BTRC: variants seen among roughly 807,000 people sequenced by gnomAD.
BTRC encodes F-box/WD repeat-containing protein 1A.
A neutral mutation model predicts 85.5 loss-of-function variants in BTRC; 42 were observed. The observed-to-expected ratio is 0.49, with a 90% CI of 0.38 to 0.64. BTRC has a LOEUF of 0.64. Ranked by LOEUF, BTRC falls within the 30% of genes least tolerant of loss-of-function variation. The pLI is 0.00. For synonymous variants in BTRC, 255 were observed against 263.3 expected (o/e 0.97, Z 0.30); for missense variants, 594 against 743.5 (o/e 0.80, Z 2.34).
chr10:101,516,313 T>C (rs978974496), intron 4 of BTRC, among the ~76,000 whole-genome samples: 4 of 152,168 alleles, frequency 2.6e-5, no homozygotes, highest in African/African-American at 9.7e-5. Context: ...CCCAGTTTTA[T>C]AGATGAGAGA....
chr10:101,436,635 T>TAGAC (rs1206565643), intron 2 of BTRC, among the ~76,000 whole-genome samples: 2 of 110,172 alleles, frequency 1.8e-5, no homozygotes, highest in African/African-American at 5.3e-5. Context: ...AATAGATAGA[T>TAGAC]AGATAGATAG....
intron 2 of BTRC, among the ~76,000 whole-genome samples, chr10:101,440,286 A>G (rs980046000): frequency 2.6e-5 from 4 of 151,710 alleles, no homozygotes. Context: ...CAACATATAT[A>G]TTTTTTCTTC....
intron 1 of BTRC, among the ~76,000 whole-genome samples, chr10:101,417,456 ATGT>A (rs1171656325): frequency 6.6e-6 from 1 of 152,190 alleles, no homozygotes; most frequent in Non-Finnish European, 1.5e-5. Context: ...CACAGAGGTG[ATGT>A]TGTGTTTTTA....
At position 101,418,403 on chromosome 10, in the gene BTRC, TG is replaced by T. The variant is rs1004675519; in HGVS notation, c.49-11935del. 9.9e-5 allele frequency among the ~76,000 whole-genome samples: 15 copies of T among 152,052 alleles called. No homozygotes were observed. In the East Asian group the frequency reaches 1.7e-3, roughly 18 times the overall value. On this transcript the variant is annotated intron_variant, in intron 1 of 14. Coordinates refer to ENST00000370187, the MANE Select transcript of BTRC (RefSeq NM_033637.4). The stretch of plus-strand genomic sequence containing the variant: ...AAAAACACAGACATTTATATTTTTT[TG>T]GGGGGGTGATTTACAAGTGAGTTGT...
chr10:101,437,408 T>C (rs576850207), intron 2 of BTRC, among the ~76,000 whole-genome samples: 2 of 152,340 alleles, frequency 1.3e-5, no homozygotes, highest in South Asian at 2.1e-4. Flanking sequence ...CATCCATGTG[T>C]GCCTGTGCGT....
At chr10:101,461,667 T>C (rs940557112) in intron 2 of BTRC, among the ~76,000 whole-genome samples, 2 of 152,338 alleles carry the variant, frequency 1.3e-5, no homozygotes, top group Admixed American at 6.5e-5. Flanking sequence ...AAGTGTGGGC[T>C]GGAACTTTCT....
chr10:101,401,180 T>C (rs1453636266), intron 1 of BTRC, among the ~76,000 whole-genome samples: 1 of 152,240 alleles, frequency 6.6e-6, no homozygotes, highest in African/African-American at 2.4e-5. Context: ...AATTTTGTTG[T>C]GGCATGATTT....
chr10:101,538,406 C>T, intron 13 of BTRC, 35 bp downstream of exon 13: 1 of 1,546,614 alleles, frequency 6.5e-7, no homozygotes, highest in Non-Finnish European at 8.9e-7. Context: ...CATTGGAGAG[C>T]AGGTGGGGGA....
At position 101,456,498 on chromosome 10, in the gene BTRC, G is replaced by GA. The variant is rs139163007; in HGVS notation, c.157-5482dup. Reference sequence around the variant, plus strand: ...AAGAGCTGACCTAGAAATGAGTGGAGATGGTAAAAGAGTGCTTTAAATTTA... The same window carrying GA: ...AAGAGCTGACCTAGAAATGAGTGGAGAATGGTAAAAGAGTGCTTTAAATTTA... On this transcript the variant is annotated intron_variant, in intron 2 of 14. Transcript: ENST00000370187. Among the ~76,000 whole-genome samples the GA allele has an allele frequency of 4.1e-3, 626 of 152,290 alleles. 6 individuals are homozygous for GA. Among genetic ancestry groups the GA allele is most frequent in the African/African-American group, 0.014 (588 of 41,560 alleles).
chr10:101,444,102 T>C (rs1944762789), intron 2 of BTRC, among the ~76,000 whole-genome samples: 1 of 152,372 alleles, frequency 6.6e-6, no homozygotes, highest in African/African-American at 2.4e-5. Flanking sequence ...GGTATACTTA[T>C]GTTCATATCA....
chr10:101,382,274 C>T (rs1260461729), intron 1 of BTRC, among the ~76,000 whole-genome samples: 3 of 151,798 alleles, frequency 2.0e-5, no homozygotes, highest in Non-Finnish European at 2.9e-5. Flanking sequence ...TGAGCCACCG[C>T]GTCCGGCCCC....
chr10:101,515,615 G>A (rs149695250), intron 4 of BTRC, among the ~76,000 whole-genome samples: 2,731 of 151,284 alleles, frequency 0.018, 81 homozygotes, highest in African/African-American at 0.063. Flanking sequence ...GGGTTCAAGT[G>A]ATTCTCCTGC....
rs1028917314 is a variant in BTRC, at chr10:101,533,195, C to A, written c.1097+125C>A. The A allele has an allele frequency of 3.3e-5, 20 of 597,970 alleles. No homozygotes were observed. In the Admixed American group the frequency reaches 5.2e-4, roughly 16 times the overall value. The allele number at this position is 597,970 out of a possible 1,614,324, so 37.0% of individuals were successfully genotyped here. A position where few individuals can be genotyped will look rare whatever the true frequency, so the allele number is the denominator to read the frequency against. ...CTAAAGAAGAATAAACCACCAGGTC[C>A]CCATCATTTCTGTCAGTCTAGAACT... On this transcript the variant is annotated intron_variant, in intron 9 of 14. Coordinates refer to ENST00000370187, the MANE Select transcript of BTRC (RefSeq NM_033637.4).
At chr10:101,515,378 G>C (rs913495341) in intron 4 of BTRC, among the ~76,000 whole-genome samples, 3 of 152,116 alleles carry the variant, frequency 2.0e-5, no homozygotes, top group Admixed American at 2.0e-4. Flanking sequence ...TCTATAGGTT[G>C]ATTTGGAAAG....
chr10:101,450,462 A>G (rs983824416), intron 2 of BTRC, among the ~76,000 whole-genome samples: 5 of 152,152 alleles, frequency 3.3e-5, no homozygotes, highest in South Asian at 2.1e-4. Context: ...CATCTCTTCT[A>G]TCCTTCTTAT....
At chr10:101,517,740 G>A (rs1589583379) in intron 4 of BTRC, among the ~76,000 whole-genome samples, 1 of 152,010 alleles carries the variant, frequency 6.6e-6, no homozygotes, top group Admixed American at 6.6e-5. Flanking sequence ...TTCAAACTTG[G>A]GTGTGATTTT....
Position 101,550,808 on chromosome 10 carries a change from A to G in BTRC, c.1766A>G (p.Gln589Arg), listed in dbSNP as rs2062637182. The G allele has an allele frequency of 6.2e-7, 1 of 1,614,110 alleles. No individual in the cohort carries two copies. Among genetic ancestry groups the G allele is most frequent in the East Asian group, 2.2e-5 (1 of 44,888 alleles). The stretch of plus-strand genomic sequence containing the variant: ...GACTTCCTAAATGATCCAGCTGCCC[A>G]AGCTGAACCCCCCCGTTCCCCTTCT... ...IWDFLNDPAA[Q>R]AEPPRSPSRT... Residue 589 changes from glutamine to arginine, a missense_variant, in exon 14 of 15, where the codon CAA becomes CGA. Gln to Arg is a conservative substitution (Grantham distance 43). Around this residue, in one of 4 missense-constraint regions of BTRC, gnomAD observed 56 missense variants for 39.6 expected, o/e 1.41. Transcript: ENST00000370187.
At chr10:101,550,424 A>G (rs2062631052) in intron 13 of BTRC, among the ~76,000 whole-genome samples, 1 of 152,030 alleles carries the variant, frequency 6.6e-6, no homozygotes, top group Non-Finnish European at 1.5e-5. Flanking sequence ...AGCTGGGACT[A>G]TAGGCACATG....
intron 7 of BTRC, 50 bp downstream of exon 7, chr10:101,531,383 G>GC: frequency 7.4e-7 from 1 of 1,351,286 alleles, no homozygotes. Context: ...AGAATTATCA[G>GC]CATTCTTCAG....
Sources: allele counts gnomAD v4.1 joint callset (sites outside exome capture counted in the v4.1 genomes callset), GRCh38; gene constraint gnomAD v4.1.1; regional missense constraint gnomAD v4.1.1; transcripts MANE v1.5; gene names NCBI Gene and HGNC (gene_info 2026-07-23, HGNC 2026-07-21).